Variants in TACC2 observed in about 807,000 individuals in gnomAD.
The protein encoded by TACC2 is transforming acidic coiled-coil containing protein 2.
TACC2 carries 137 observed loss-of-function variants against 227.3 expected under a neutral mutation model. The observed-to-expected ratio is 0.60, with a 90% CI of 0.52 to 0.69. The LOEUF is 0.69. Among genes scored for constraint, TACC2 ranks in the 30% least tolerant of loss-of-function variants. TACC2 has a pLI of 0.00. For missense variants in TACC2, 3,470 were observed against 3,694.4 expected (o/e 0.94, Z 1.57); for synonymous variants, 1,523 against 1,487.5 (o/e 1.02, Z -0.55).
chr10:122,103,026 C>T (rs932385064), intron 5 of TACC2, among the ~76,000 whole-genome samples: 1 of 152,032 alleles, frequency 6.6e-6, no homozygotes, highest in Admixed American at 6.6e-5. Context: ...GCTGCTTGTA[C>T]AGCCCATCAT....
chr10:122,001,105 G>T (rs1954264386), intron 1 of TACC2, among the ~76,000 whole-genome samples: 1 of 152,224 alleles, frequency 6.6e-6, no homozygotes, highest in East Asian at 1.9e-4. Flanking sequence ...TTACAGGCGT[G>T]AGCCACTGCT....
At chr10:121,999,883 A>G (rs886221891) in intron 1 of TACC2, among the ~76,000 whole-genome samples, 34 of 152,224 alleles carry the variant, frequency 2.2e-4, no homozygotes, top group African/African-American at 7.7e-4. Flanking sequence ...CAGGAAGTTA[A>G]CCTTTAGAAG....
intron 15 of TACC2, among the ~76,000 whole-genome samples, chr10:122,230,064 TGAAAG>T (rs980250880): frequency 6.6e-6 from 1 of 152,062 alleles, no homozygotes; most frequent in African/African-American, 2.4e-5. Context: ...GGGAAAGAAA[TGAAAG>T]AAAAGAGAAC....
intron 7 of TACC2, among the ~76,000 whole-genome samples, chr10:122,179,707 G>A (rs1032102457): frequency 3.0e-4 from 45 of 152,304 alleles, no homozygotes; most frequent in African/African-American, 8.7e-4. Context: ...TTAGGAAGCC[G>A]AGGCAGGAGG....
At chr10:122,055,418 A>T (rs2076131025) in intron 3 of TACC2, among the ~76,000 whole-genome samples, 2 of 152,168 alleles carry the variant, frequency 1.3e-5, no homozygotes, top group Admixed American at 1.3e-4. Flanking sequence ...AGGGACATGG[A>T]TGGAGCTGGA....
At position 122,085,200 on chromosome 10, in the gene TACC2, A is replaced by T. The variant is rs780090188; in HGVS notation, c.2700A>T (p.Glu900Asp). 95 of 1,613,920 alleles carry T rather than the reference A, an allele frequency of 5.9e-5. No homozygotes were observed. Among genetic ancestry groups the T allele is most frequent in the Non-Finnish European group, 7.7e-5 (91 of 1,180,016 alleles). The change falls in exon 4 of 23, where the codon GAA becomes GAT. Residue 900 changes from glutamate to aspartate, a missense_variant. Glu to Asp is a conservative substitution (Grantham distance 45). Transcript: ENST00000369005. The stretch of plus-strand genomic sequence containing the variant: ...GACAGGAGCAGGCTTTGGGATCAGA[A>T]CTTCAAAGTCAGCTCCCCAAAGGCA... Reference protein sequence around the residue: ...HGGQEQALGSELQSQLPKGTL... With the variant: ...HGGQEQALGSDLQSQLPKGTL...
chr10:122,000,080 C>T (rs559475247), intron 1 of TACC2, among the ~76,000 whole-genome samples: 3 of 152,260 alleles, frequency 2.0e-5, no homozygotes, highest in East Asian at 1.9e-4. Flanking sequence ...TGAAGTGCAA[C>T]GGGGAAATTC....
At chr10:122,061,226 G>C (rs1033370169) in intron 3 of TACC2, among the ~76,000 whole-genome samples, 2 of 148,576 alleles carry the variant, frequency 1.3e-5, no homozygotes, top group African/African-American at 5.0e-5. Context: ...CAGCAGAATG[G>C]CGTGAACCCG....
chr10:122,253,271 G>C (rs1000679521), intron 22 of TACC2, among the ~76,000 whole-genome samples: 1 of 152,214 alleles, frequency 6.6e-6, no homozygotes, highest in Non-Finnish European at 1.5e-5. Flanking sequence ...TGTTGAACTT[G>C]ATCAGCATCA....
chr10:122,080,421 A>G (rs940046048), intron 3 of TACC2, among the ~76,000 whole-genome samples: 24 of 151,772 alleles, frequency 1.6e-4, no homozygotes, highest in African/African-American at 5.8e-4. Flanking sequence ...CTTTTTAGAG[A>G]TGGAGTTTCG....
intron 6 of TACC2, among the ~76,000 whole-genome samples, chr10:122,133,958 C>T (rs2088961937): frequency 6.6e-6 from 1 of 152,174 alleles, no homozygotes; most frequent in Admixed American, 6.5e-5. Context: ...TGGGGGCTGG[C>T]CCGTGCTGAC....
chr10:122,043,233 C>T (rs2074516714), intron 2 of TACC2, among the ~76,000 whole-genome samples: 1 of 152,170 alleles, frequency 6.6e-6, no homozygotes, highest in Non-Finnish European at 1.5e-5. Context: ...CTTTAGTCTG[C>T]CACCTACAAA....
intron 5 of TACC2, among the ~76,000 whole-genome samples, chr10:122,109,512 C>A (rs369283481): frequency 2.8e-4 from 43 of 152,268 alleles, no homozygotes; most frequent in African/African-American, 9.6e-4. Context: ...GTGGTTGTCT[C>A]CTATTGATAT....
At chr10:122,184,720 T>C (rs2094117487) in intron 7 of TACC2, among the ~76,000 whole-genome samples, 1 of 152,260 alleles carries the variant, frequency 6.6e-6, no homozygotes. Flanking sequence ...AATATACATA[T>C]GTATTTAGGT....
Position 122,087,765 on chromosome 10 carries a change from T to A in TACC2, c.5265T>A (p.Ala1755=), listed in dbSNP as rs758517700. 1 of 1,608,870 alleles carries A rather than the reference T, an allele frequency of 6.2e-7. No homozygotes were observed. The highest frequency in any genetic ancestry group is 8.5e-7 in the Non-Finnish European group (1 of 1,177,700). The change falls in exon 4 of 23, where the codon GCT becomes GCA. Residue 1755 remains alanine (A), a synonymous_variant. Coordinates refer to ENST00000369005, the MANE Select transcript of TACC2 (RefSeq NM_206862.4). ...AGGACCCAGCCTGCTCTGACAAGGC[T>A]CCGGGGATGGAGGGTACAGCTGCCC... is the stretch of plus-strand genomic sequence containing the variant. The part of the protein sequence containing the change: ...SCQDPACSDK[A]PGMEGTAALH...
chr10:122,128,475 A>T (rs1298152070), intron 5 of TACC2, among the ~76,000 whole-genome samples: 1 of 152,152 alleles, frequency 6.6e-6, no homozygotes, highest in Non-Finnish European at 1.5e-5. Context: ...TTTATTCCAG[A>T]TCTTCTTTGC....
chr10:122,029,740 C>T (rs546325117), intron 2 of TACC2, among the ~76,000 whole-genome samples: 8 of 152,212 alleles, frequency 5.3e-5, no homozygotes, highest in South Asian at 2.1e-4. Context: ...ATCGGGTGAG[C>T]GCCCTCAATG....
intron 22 of TACC2, among the ~76,000 whole-genome samples, chr10:122,250,695 C>T (rs1353769224): frequency 6.6e-6 from 1 of 152,136 alleles, no homozygotes; most frequent in Non-Finnish European, 1.5e-5. Flanking sequence ...CTCCTGTCCC[C>T]ACTGCACCAT....
intron 7 of TACC2, chr10:122,192,524 C>A: frequency 5.4e-6 from 2 of 370,458 alleles, no homozygotes; most frequent in Non-Finnish European, 1.1e-5. Flanking sequence ...GTGGGGCAGC[C>A]TCGGGGCCTC....
Sources: gnomAD v4.1 joint callset for allele counts (sites outside exome capture counted in the v4.1 genomes callset) on GRCh38, gnomAD v4.1.1 for gene constraint, MANE v1.5 for transcripts, NCBI Gene and HGNC (gene_info 2026-07-23, HGNC 2026-07-21) for gene names.